Variants in CPQ observed in about 807,000 individuals in gnomAD.
CPQ encodes Ser-Met dipeptidase.
Under a neutral mutation model 45.7 loss-of-function variants are expected in CPQ, and 37 were observed. The ratio of observed to expected loss-of-function variants is 0.81; its 90% CI spans 0.62 to 1.07. The LOEUF (loss-of-function observed/expected upper bound fraction) is 1.07. CPQ is among the 50% of genes least tolerant of loss of function. The pLI is 0.00. For missense variants in CPQ, 537 were observed against 572.9 expected (o/e 0.94, Z 0.64); for synonymous variants, 186 against 205.8 (o/e 0.90, Z 0.82).
chr8:96,945,916 GA>G (rs1240958103), intron 4 of CPQ, among the ~76,000 whole-genome samples: 1 of 152,172 alleles, frequency 6.6e-6, no homozygotes, highest in Non-Finnish European at 1.5e-5. Flanking sequence ...GTGATGCTGT[GA>G]ATTGTAGTCA....
chr8:97,041,198 A>T (rs1454950989), intron 6 of CPQ, among the ~76,000 whole-genome samples: 1 of 152,146 alleles, frequency 6.6e-6, no homozygotes, highest in East Asian at 1.9e-4. Context: ...GAGGTCCTTC[A>T]CATCCCTTGT....
At chr8:96,769,205 C>T (rs564635281) in intron 1 of CPQ, among the ~76,000 whole-genome samples, 81 of 152,286 alleles carry the variant, frequency 5.3e-4, no homozygotes, top group African/African-American at 1.8e-3. Flanking sequence ...AAATAAAGCA[C>T]TTCCTATTAC....
intron 2 of CPQ, among the ~76,000 whole-genome samples, chr8:96,825,200 A>G (rs1811363703): frequency 6.6e-6 from 1 of 152,022 alleles, no homozygotes; most frequent in South Asian, 2.1e-4. Flanking sequence ...TGAATCTTTA[A>G]AAGACTTGTG....
intron 1 of CPQ, among the ~76,000 whole-genome samples, chr8:96,675,588 G>A (rs1470752320): frequency 6.6e-6 from 1 of 151,946 alleles, no homozygotes; most frequent in African/African-American, 2.4e-5. Context: ...TCTAGAAGAG[G>A]AATATTTATG....
intron 5 of CPQ, among the ~76,000 whole-genome samples, chr8:97,012,424 G>T (rs1048884429): frequency 2.6e-5 from 4 of 152,124 alleles, no homozygotes; most frequent in Non-Finnish European, 4.4e-5. Context: ...ACTACACAGG[G>T]GAAAAAAATT....
chr8:97,087,206 C>A (rs539076570), intron 7 of CPQ, among the ~76,000 whole-genome samples: 1 of 152,310 alleles, frequency 6.6e-6, no homozygotes, highest in African/African-American at 2.4e-5. Context: ...TCAACAGGAG[C>A]ATTCTGTGCG....
intron 4 of CPQ, among the ~76,000 whole-genome samples, chr8:96,907,296 C>T (rs1237802940): frequency 6.6e-6 from 1 of 152,058 alleles, no homozygotes; most frequent in Non-Finnish European, 1.5e-5. Context: ...TAGGACACTG[C>T]CATCATTTAC....
At chr8:97,041,158 A>G (rs549810817) in intron 6 of CPQ, among the ~76,000 whole-genome samples, 1 of 152,012 alleles carries the variant, frequency 6.6e-6, no homozygotes, top group East Asian at 1.9e-4. Context: ...CTTTTATTTC[A>G]TTGAGCAGGG....
intron 2 of CPQ, among the ~76,000 whole-genome samples, chr8:96,795,457 A>G (rs529567542): frequency 1.3e-5 from 2 of 152,334 alleles, no homozygotes; most frequent in South Asian, 2.1e-4. Context: ...GCCAAACCAT[A>G]TAATCACCTA....
intron 3 of CPQ, among the ~76,000 whole-genome samples, chr8:96,867,914 A>C (rs1327961885): frequency 6.6e-6 from 1 of 151,974 alleles, no homozygotes; most frequent in African/African-American, 2.4e-5. Flanking sequence ...TTGGCTCACT[A>C]TGGTAATCAT....
At chr8:97,033,611 C>T (rs566170285) in intron 6 of CPQ, among the ~76,000 whole-genome samples, 2 of 150,988 alleles carry the variant, frequency 1.3e-5, no homozygotes, top group Non-Finnish European at 2.9e-5. Flanking sequence ...ATGATAAAAG[C>T]TTGCATGCAC....
intron 5 of CPQ, among the ~76,000 whole-genome samples, chr8:96,996,380 G>T (rs1426195856): frequency 6.6e-6 from 1 of 151,970 alleles, no homozygotes; most frequent in Non-Finnish European, 1.5e-5. Context: ...TTGCACAAAG[G>T]ATTTGCAGAC....
At chr8:97,033,352 A>T (rs1000834741) in intron 6 of CPQ, among the ~76,000 whole-genome samples, 1 of 152,196 alleles carries the variant, frequency 6.6e-6, no homozygotes, top group Non-Finnish European at 1.5e-5. Flanking sequence ...AAGTTTTTTC[A>T]TATGTTTAGC....
intron 1 of CPQ, 68 bp from the exon 2 acceptor site, chr8:96,784,796 C>A: frequency 8.5e-7 from 1 of 1,176,330 alleles, no homozygotes; most frequent in Non-Finnish European, 1.2e-6. Context: ...GAAAAGCAAT[C>A]CCTGGGTTAT....
intron 1 of CPQ, among the ~76,000 whole-genome samples, chr8:96,764,881 A>G (rs1342199973): frequency 6.6e-6 from 1 of 152,198 alleles, no homozygotes; most frequent in Non-Finnish European, 1.5e-5. Context: ...AGAGTTCAGT[A>G]CCTTTGAATT....
intron 1 of CPQ, among the ~76,000 whole-genome samples, chr8:96,693,827 A>C (rs573006169): frequency 6.6e-6 from 1 of 152,300 alleles, no homozygotes; most frequent in African/African-American, 2.4e-5. Context: ...ATATTATAAC[A>C]CTGTAATTGT....
At chr8:96,801,129 C>A (rs1304817774) in intron 2 of CPQ, among the ~76,000 whole-genome samples, 1 of 152,076 alleles carries the variant, frequency 6.6e-6, no homozygotes, top group Non-Finnish European at 1.5e-5. Context: ...GCGTACACCA[C>A]AACGCCCAGC....
intron 1 of CPQ, among the ~76,000 whole-genome samples, chr8:96,699,370 TA>T (rs1809426815): frequency 6.6e-6 from 1 of 152,140 alleles, no homozygotes; most frequent in Admixed American, 6.5e-5. Flanking sequence ...TGAGAATGGT[TA>T]ATTGCTACAA....
intron 6 of CPQ, among the ~76,000 whole-genome samples, chr8:97,054,793 A>G (rs1224445857): frequency 6.6e-6 from 1 of 152,200 alleles, no homozygotes; most frequent in Non-Finnish European, 1.5e-5. Flanking sequence ...CAGGTGAATG[A>G]AGGATGAAAA....
Sources: gnomAD v4.1 joint callset for allele counts (sites outside exome capture counted in the v4.1 genomes callset) on GRCh38, gnomAD v4.1.1 for gene constraint, MANE v1.5 for transcripts, NCBI Gene and HGNC (gene_info 2026-07-23, HGNC 2026-07-21) for gene names.